Variants in ANKRD6 observed in about 807,000 individuals in gnomAD.
ANKRD6 encodes the protein ankyrin repeat domain 6.
ANKRD6 carries 56 observed loss-of-function variants against 82.3 expected under a neutral mutation model. That is an observed-to-expected ratio of 0.68 (90% CI 0.55 to 0.85). ANKRD6 has a LOEUF of 0.85. Ranked by LOEUF, ANKRD6 falls within the 40% of genes least tolerant of loss-of-function variation. ANKRD6 has a pLI of 0.00. For synonymous variants in ANKRD6, 347 were observed against 352.1 expected (o/e 0.99, Z 0.16); for missense variants, 852 against 907.6 (o/e 0.94, Z 0.79).
At chr6:89,439,858 G>A (rs1051822293) in intron 1 of ANKRD6, among the ~76,000 whole-genome samples, 6 of 151,928 alleles carry the variant, frequency 3.9e-5, no homozygotes, top group Non-Finnish European at 8.8e-5. Flanking sequence ...CACCATACTC[G>A]GTTAATTTTT....
In ANKRD6 at chr6:89,633,297, T is replaced by C. The variant is rs962455760; in HGVS notation, c.*2293T>C. The C allele has an allele frequency of 1.3e-4, 20 of 152,228 alleles. No homozygotes were observed. Among genetic ancestry groups the C allele is most frequent in the African/African-American group, 4.6e-4 (19 of 41,462 alleles). The allele number at this position is 152,228 out of a possible 1,614,324, so 9.4% of individuals were successfully genotyped here. A position where few individuals can be genotyped will look rare whatever the true frequency, so the allele number is the denominator to read the frequency against. ...GCAACATCTATTAAGACCAATGCAA[T>C]ACCTTTTCATCTTCAGCAAATGTTG... On this transcript the variant is annotated 3_prime_UTR_variant, in exon 16 of 16. Transcript: ENST00000339746.
At position 89,571,501 on chromosome 6, in the gene ANKRD6, A is replaced by AT. The variant is rs571976826; in HGVS notation, c.120+4413dup. Among the ~76,000 whole-genome samples the AT allele has an allele frequency of 3.3e-4, 50 of 151,622 alleles. 1 individual carries two copies. The South Asian group carries it at 9.0e-3, about 27-fold the overall frequency. On this transcript the variant is annotated intron_variant, in intron 2 of 15. Coordinates refer to ENST00000339746, the MANE Select transcript of ANKRD6 (RefSeq NM_001242809.2). ...GCCTATTGTTTAATCTGGTTATTTG[A>AT]TTTTTTTTGGTGTTGAGTTGTAAGA...
At chr6:89,610,721 C>T (rs1416663386) in intron 5 of ANKRD6, among the ~76,000 whole-genome samples, 2 of 151,596 alleles carry the variant, frequency 1.3e-5, no homozygotes, top group African/African-American at 2.4e-5. Flanking sequence ...GAGAACTAAA[C>T]TAGCAGTGGT....
intron 1 of ANKRD6, among the ~76,000 whole-genome samples, chr6:89,503,830 G>A (rs1562658900): frequency 2.0e-5 from 3 of 152,152 alleles, no homozygotes; most frequent in African/African-American, 7.2e-5. Flanking sequence ...ATTCCTTGTA[G>A]AGGGACCATA....
At chr6:89,534,246 C>G (rs1004244218) in intron 1 of ANKRD6, among the ~76,000 whole-genome samples, 26 of 152,190 alleles carry the variant, frequency 1.7e-4, no homozygotes, top group Admixed American at 4.6e-4. Context: ...CTAACAGATT[C>G]TTGCTGATAG....
intron 1 of ANKRD6, among the ~76,000 whole-genome samples, chr6:89,515,845 C>A (rs1472349850): frequency 1.3e-5 from 2 of 152,170 alleles, no homozygotes; most frequent in Non-Finnish European, 2.9e-5. Context: ...AGTGCAATCA[C>A]ATATATCCTT....
At chr6:89,625,427 TAA>T (rs1805306032) in intron 13 of ANKRD6, among the ~76,000 whole-genome samples, 1 of 152,248 alleles carries the variant, frequency 6.6e-6, no homozygotes, top group Non-Finnish European at 1.5e-5. Context: ...CTTTTTATTT[TAA>T]AAGTTTTCAA....
intron 2 of ANKRD6, among the ~76,000 whole-genome samples, chr6:89,585,927 C>T (rs1196231623): frequency 1.3e-5 from 2 of 152,088 alleles, no homozygotes; most frequent in Non-Finnish European, 2.9e-5. Flanking sequence ...AGCACTAGGG[C>T]CAGATGGTTT....
chr6:89,447,654 T>C (rs1268228619), intron 1 of ANKRD6, among the ~76,000 whole-genome samples: 2 of 152,204 alleles, frequency 1.3e-5, no homozygotes, highest in African/African-American at 2.4e-5. Context: ...GAAACAGCCT[T>C]CTACTGGAAG....
intron 1 of ANKRD6, among the ~76,000 whole-genome samples, chr6:89,520,940 A>T (rs1781818915): frequency 6.6e-6 from 1 of 152,162 alleles, no homozygotes; most frequent in Admixed American, 6.5e-5. Flanking sequence ...GTGATCCATG[A>T]CTGTGCTACT....
At chr6:89,596,941 C>G (rs577242905) in intron 3 of ANKRD6, among the ~76,000 whole-genome samples, 4 of 152,340 alleles carry the variant, frequency 2.6e-5, no homozygotes, top group Admixed American at 6.5e-5. Flanking sequence ...CACTTATAAC[C>G]TCTTCCAAAT....
intron 2 of ANKRD6, among the ~76,000 whole-genome samples, chr6:89,582,160 A>T (rs1351912047): frequency 6.6e-6 from 1 of 152,214 alleles, no homozygotes; most frequent in Non-Finnish European, 1.5e-5. Flanking sequence ...AACCAGTAAG[A>T]TGATACAACT....
intron 2 of ANKRD6, among the ~76,000 whole-genome samples, chr6:89,569,493 T>C (rs1207161163): frequency 6.6e-6 from 1 of 152,228 alleles, no homozygotes; most frequent in African/African-American, 2.4e-5. Context: ...TCTTTATCAG[T>C]TGATGGACAT....
At chr6:89,516,908 G>A (rs1034457077) in intron 1 of ANKRD6, among the ~76,000 whole-genome samples, 6 of 152,150 alleles carry the variant, frequency 3.9e-5, no homozygotes, top group Non-Finnish European at 7.4e-5. Context: ...TTACTGTGTT[G>A]CCCAGACTGG....
At chr6:89,525,239 A>G (rs1782336852) in intron 1 of ANKRD6, among the ~76,000 whole-genome samples, 1 of 147,996 alleles carries the variant, frequency 6.8e-6, no homozygotes, top group African/African-American at 2.5e-5. Context: ...GGTTGCAGTG[A>G]GTTGAGATTG....
intron 1 of ANKRD6, among the ~76,000 whole-genome samples, chr6:89,563,224 G>A (rs573247126): frequency 3.8e-4 from 58 of 152,294 alleles, no homozygotes; most frequent in Non-Finnish European, 4.3e-4. Flanking sequence ...ACAAGCAGCT[G>A]TGTGACCCTC....
intron 1 of ANKRD6, among the ~76,000 whole-genome samples, chr6:89,532,197 C>A (rs1169491611): frequency 6.6e-6 from 1 of 152,202 alleles, no homozygotes; most frequent in Non-Finnish European, 1.5e-5. Flanking sequence ...AACACTCTCA[C>A]AGAAATACCC....
chr6:89,631,129 A>G lies in ANKRD6; in HGVS notation c.*125A>G. On this transcript the variant is annotated 3_prime_UTR_variant, in exon 16 of 16. Transcript: ENST00000339746. ...ATTTGCCTTTTTAAAAAAATCACTA[A>G]TTCTACAATGTGCCAGATACATGTT... The G allele has an allele frequency of 4.3e-6, 6 of 1,398,550 alleles. No homozygotes were observed. Among genetic ancestry groups the G allele is most frequent in the Non-Finnish European group, 5.6e-6 (6 of 1,077,986 alleles). The allele number at this position is 1,398,550 out of a possible 1,614,324, so 86.6% of individuals were successfully genotyped here. A position where few individuals can be genotyped will look rare whatever the true frequency, so the allele number is the denominator to read the frequency against.
chr6:89,538,554 C>T (rs1401157554), intron 1 of ANKRD6, among the ~76,000 whole-genome samples: 1 of 152,080 alleles, frequency 6.6e-6, no homozygotes, highest in African/African-American at 2.4e-5. Flanking sequence ...GAATATCTTA[C>T]TATGAAAAAA....
Sources: gnomAD v4.1 joint callset for allele counts (sites outside exome capture counted in the v4.1 genomes callset) on GRCh38, gnomAD v4.1.1 for gene constraint, MANE v1.5 for transcripts, NCBI Gene and HGNC (gene_info 2026-07-23, HGNC 2026-07-21) for gene names.